Variants in F13A1 observed in about 807,000 individuals in gnomAD.
The protein encoded by F13A1 is FSF, A subunit.
A neutral mutation model predicts 80.1 loss-of-function variants in F13A1; 47 were observed. The observed-to-expected ratio is 0.59, with a 90% CI of 0.46 to 0.75. The LOEUF is 0.75. Ranked by LOEUF, F13A1 falls within the 30% of genes least tolerant of loss-of-function variation. The probability of loss-of-function intolerance (pLI) is 0.00; values close to 1 mark genes in which losing one functional copy is unlikely to be tolerated. For missense variants in F13A1, 817 were observed against 930.4 expected, an observed-to-expected ratio of 0.88 and a Z score of 1.59; for synonymous variants, 349 against 344.9, an observed-to-expected ratio of 1.01 and a Z score of -0.13.
At chr6:6,236,948 A>G (rs1489021837) in intron 6 of F13A1, among the ~76,000 whole-genome samples, 1 of 152,128 alleles carries the variant, frequency 6.6e-6, no homozygotes, top group East Asian at 1.9e-4. Flanking sequence ...ACTTAATCAC[A>G]GGTGGAAGTG....
chr6:6,266,855 C>G (rs778803764), intron 3 of F13A1, 46 bp from the exon 4 acceptor site: 6 of 1,613,560 alleles, frequency 3.7e-6, no homozygotes, highest in Non-Finnish European at 5.1e-6. Flanking sequence ...ATTTCACAAG[C>G]CATTTTTGTT....
intron 4 of F13A1, among the ~76,000 whole-genome samples, chr6:6,264,732 C>A (rs1757820951): frequency 6.6e-6 from 1 of 152,226 alleles, no homozygotes; most frequent in African/African-American, 2.4e-5. Context: ...CAGTATTTTT[C>A]ATCTCTGTAA....
At chr6:6,204,662 T>A (rs1302779070) in intron 8 of F13A1, among the ~76,000 whole-genome samples, 1 of 152,190 alleles carries the variant, frequency 6.6e-6, no homozygotes, top group Non-Finnish European at 1.5e-5. Flanking sequence ...GAGGCTTGTC[T>A]AACAAGACAT....
At chr6:6,294,655 A>C (rs557922507) in intron 3 of F13A1, among the ~76,000 whole-genome samples, 1 of 152,178 alleles carries the variant, frequency 6.6e-6, no homozygotes, top group Non-Finnish European at 1.5e-5. Flanking sequence ...ACAGTAAGTC[A>C]ATCTTTGTTG....
rs771047428 is a variant in F13A1 at position 6,318,602 on chromosome 6, A to G, written c.63T>C (p.Asn21=). The part of the protein sequence containing the change: ...GRRAVPPNNS[N]AAEDDLPTVE... ...CTGTGGGCAGGTCATCTTCCGCTGCATTAGAGTTATTGGGTGGAACTGCTC... is the reference window on the plus strand; with the variant it reads ...CTGTGGGCAGGTCATCTTCCGCTGCGTTAGAGTTATTGGGTGGAACTGCTC... The change falls in exon 2 of 15, where the codon AAT becomes AAC. Residue 21 remains asparagine, a synonymous_variant. Transcript: ENST00000264870. 27 of 1,613,390 alleles carry G rather than the reference A, an allele frequency of 1.7e-5. No individual in the cohort carries two copies. Among genetic ancestry groups the G allele is most frequent in the Non-Finnish European group, 2.1e-5 (25 of 1,179,904 alleles).
intron 10 of F13A1, among the ~76,000 whole-genome samples, chr6:6,185,581 A>G (rs1202636024): frequency 1.3e-5 from 2 of 151,852 alleles, no homozygotes; most frequent in Non-Finnish European, 2.9e-5. Context: ...GTAGTATTCC[A>G]TGGTGTATAT....
At chr6:6,295,960 A>G (rs1758319616) in intron 3 of F13A1, among the ~76,000 whole-genome samples, 2 of 141,878 alleles carry the variant, frequency 1.4e-5, no homozygotes, top group Non-Finnish European at 3.0e-5. Context: ...AGCTTTCTAC[A>G]TATGGCTAGC....
chr6:6,297,641 T>A (rs1410468587), intron 3 of F13A1, among the ~76,000 whole-genome samples: 1 of 149,614 alleles, frequency 6.7e-6, no homozygotes, highest in Non-Finnish European at 1.5e-5. Flanking sequence ...TCTCTCTTTT[T>A]TTCTTTATTA....
At chr6:6,268,902 C>G (rs906946165) in intron 3 of F13A1, among the ~76,000 whole-genome samples, 1 of 151,504 alleles carries the variant, frequency 6.6e-6, no homozygotes, top group Admixed American at 6.6e-5. Flanking sequence ...GTAGGGCAGG[C>G]TGGTCTCAAA....
chr6:6,232,665 T>C (rs1322763403), intron 6 of F13A1, among the ~76,000 whole-genome samples: 1 of 151,414 alleles, frequency 6.6e-6, no homozygotes, highest in Non-Finnish European at 1.5e-5. Flanking sequence ...TAATCAACAG[T>C]GCATAAAACT....
chr6:6,241,638 A>T (rs1757485027), intron 6 of F13A1, among the ~76,000 whole-genome samples: 1 of 152,206 alleles, frequency 6.6e-6, no homozygotes, highest in Non-Finnish European at 1.5e-5. Context: ...TCACTCCAAA[A>T]AAAGAGGTTT....
intron 3 of F13A1, 69 bp from the exon 4 acceptor site, chr6:6,266,878 T>A: frequency 6.2e-7 from 1 of 1,601,058 alleles, no homozygotes; most frequent in Non-Finnish European, 8.6e-7. Flanking sequence ...CACTCTGTTA[T>A]CTTATAGCTG....
intron 4 of F13A1, 76 bp downstream of exon 4, chr6:6,266,482 G>T: frequency 6.2e-7 from 1 of 1,609,752 alleles, no homozygotes; most frequent in Non-Finnish European, 8.5e-7. Flanking sequence ...AAAGAGCTGG[G>T]AGTATAGGCA....
chr6:6,265,630 C>T (rs905302085), intron 4 of F13A1, among the ~76,000 whole-genome samples: 1 of 152,152 alleles, frequency 6.6e-6, no homozygotes, highest in Non-Finnish European at 1.5e-5. Context: ...CTGAAAATAG[C>T]ACTAGAGATC....
At chr6:6,146,862 T>C (rs181129065) in intron 14 of F13A1, among the ~76,000 whole-genome samples, 47 of 152,338 alleles carry the variant, frequency 3.1e-4, no homozygotes, top group Admixed American at 2.9e-3. Context: ...TGCACACACA[T>C]ATTTATAGCA....
intron 6 of F13A1, among the ~76,000 whole-genome samples, chr6:6,227,601 G>A (rs911143342): frequency 6.6e-6 from 1 of 152,138 alleles, no homozygotes; most frequent in Admixed American, 6.5e-5. Flanking sequence ...GATGTGGTTT[G>A]GTCTTTGTGG....
intron 3 of F13A1, among the ~76,000 whole-genome samples, chr6:6,272,367 T>G: frequency 6.6e-6 from 1 of 152,158 alleles, no homozygotes; most frequent in East Asian, 1.9e-4. Flanking sequence ...ACCTCTCTCA[T>G]GCCTAGGACC....
rs1450364220 is a variant in F13A1, at chr6:6,167,656, C to G, written c.1748-38G>C. On this transcript the variant is annotated intron_variant, in intron 12 of 14. Transcript: ENST00000264870. Reference sequence around the variant, plus strand: ...AACACACACAGGCCTGGCATCAAGACTTGAGACAGGGTCTGCTTTACTTTT... The same window carrying G: ...AACACACACAGGCCTGGCATCAAGAGTTGAGACAGGGTCTGCTTTACTTTT... The G allele has an allele frequency of 3.1e-6, 5 of 1,609,220 alleles. No individual in the cohort carries two copies. In the African/African-American group the frequency reaches 4.0e-5, roughly 13 times the overall value.
intron 10 of F13A1, among the ~76,000 whole-genome samples, chr6:6,193,266 C>A (rs969768260): frequency 2.6e-5 from 4 of 152,122 alleles, no homozygotes; most frequent in African/African-American, 9.7e-5. Context: ...GAGACTAAGG[C>A]CCTGGGAACA....
Sources: allele counts gnomAD v4.1 joint callset (sites outside exome capture counted in the v4.1 genomes callset), GRCh38; gene constraint gnomAD v4.1.1; transcripts MANE v1.5; gene names NCBI Gene and HGNC (gene_info 2026-07-23, HGNC 2026-07-21).